Variants in SPTBN2 observed in about 807,000 individuals in gnomAD.
SPTBN2 encodes spectrin beta chain, non-erythrocytic 2.
A neutral mutation model predicts 284.2 loss-of-function variants in SPTBN2; 107 were observed. That is an observed-to-expected ratio of 0.38 (90% CI 0.32 to 0.44). The LOEUF (loss-of-function observed/expected upper bound fraction) is 0.44, where lower values mean the gene tolerates loss of function less well. Ranked by LOEUF, SPTBN2 falls within the 20% of genes least tolerant of loss-of-function variation. SPTBN2 has a pLI of 1.00. For synonymous variants in SPTBN2, 1,289 were observed against 1,354.8 expected (o/e 0.95, Z 1.07); for missense variants, 2,569 against 3,287.1 (o/e 0.78, Z 5.34).
Position 66,716,208 on chromosome 11 carries a change from G to A in SPTBN2, c.158-227C>T, listed in dbSNP as rs182490137. ...AAGACAGAAAATAGGCGAAGGTTGG[G>A]TGTGGTGGCTCATGCCTGTAATCCC... On this transcript the variant is annotated intron_variant, in intron 3 of 37. Coordinates refer to ENST00000533211, the MANE Select transcript of SPTBN2 (RefSeq NM_006946.4). 2.6e-5 allele frequency among the ~76,000 whole-genome samples: 4 copies of A among 152,352 alleles called. No homozygotes were observed. The East Asian group carries it at 7.7e-4, about 29-fold the overall frequency.
intron 1 of SPTBN2, among the ~76,000 whole-genome samples, chr11:66,742,971 G>T (rs1942908424): frequency 6.6e-6 from 1 of 152,174 alleles, no homozygotes; most frequent in African/African-American, 2.4e-5. Context: ...ATAAAATAGT[G>T]ACGATAACAA....
chr11:66,698,848 C>T, intron 19 of SPTBN2, 63 bp from the exon 20 acceptor site: 1 of 1,607,686 alleles, frequency 6.2e-7, no homozygotes, highest in Non-Finnish European at 8.5e-7. Flanking sequence ...AAAAGCAGGG[C>T]CACAGTGAGC....
Position 66,694,083 on chromosome 11 carries a change from G to A in SPTBN2, c.4503+56C>T. 3 of 1,585,986 alleles carry A rather than the reference G, an allele frequency of 1.9e-6. 1 individual carries two copies. In the South Asian group the frequency reaches 3.3e-5, roughly 18 times the overall value. On this transcript the variant is annotated intron_variant, in intron 22 of 37. Coordinates refer to ENST00000533211, the MANE Select transcript of SPTBN2 (RefSeq NM_006946.4). Reference sequence around the variant, plus strand: ...GCATCTCCCTGGCATCCAGGAGGGAGGCTGGAGAACCACATGGCTGGGGGC... The same window carrying A: ...GCATCTCCCTGGCATCCAGGAGGGAAGCTGGAGAACCACATGGCTGGGGGC...
chr11:66,734,984 A>G lies in SPTBN2; in HGVS notation c.-474-5792T>C, dbSNP rs528428514. Among the ~76,000 whole-genome samples the G allele has an allele frequency of 1.3e-4, 20 of 152,324 alleles. No homozygotes were observed. In the South Asian group the frequency reaches 4.1e-3, roughly 32 times the overall value. On this transcript the variant is annotated intron_variant, in intron 1 of 37. Coordinates refer to the SPTBN2 transcript ENST00000611817. ...ACTGCCCTCTGCATAGGGATGATAC[A>G]GAGAGATCAAAGTTAAATTCTTCAC...
chr11:66,694,496 T>A, intron 21 of SPTBN2, 133 bp from the exon 22 acceptor site: 2 of 897,942 alleles, frequency 2.2e-6, no homozygotes, highest in Non-Finnish European at 3.3e-6. Context: ...GAGCATCCCC[T>A]CATGGGCTGG....
rs55950324 is a variant in SPTBN2 at position 66,683,063 on chromosome 11, ATTTTTT to A, written c.*2802_*2807del. Among the ~76,000 whole-genome samples, 2 of 95,730 alleles carry A rather than the reference ATTTTTT, an allele frequency of 2.1e-5. No homozygotes were observed. The highest frequency in any genetic ancestry group is 4.5e-5 in the African/African-American group (1 of 22,258). The allele number at this position is 95,730 out of a possible 152,430, so 62.8% of individuals were successfully genotyped here. On this transcript the variant is annotated 3_prime_UTR_variant, in exon 38 of 38. Transcript: ENST00000533211. ...ACCACCATGCCTGGCCAAGTAATCCATTTTTTTTTTTTTTTTTTTTTTGAGATGGAG... is the reference window on the plus strand; with the variant it reads ...ACCACCATGCCTGGCCAAGTAATCCATTTTTTTTTTTTTTTTGAGATGGAG...
At chr11:66,686,283 T>C (rs748417414) in intron 37 of SPTBN2, 115 bp downstream of exon 37, 6 of 1,491,652 alleles carry the variant, frequency 4.0e-6, no homozygotes, top group Non-Finnish European at 3.7e-6. Flanking sequence ...ACACATCCAG[T>C]CTTACCACAA....
upstream of SPTBN2, among the ~76,000 whole-genome samples, chr11:66,730,053 C>T (rs1590995998): frequency 6.6e-6 from 1 of 152,116 alleles, no homozygotes; most frequent in African/African-American, 2.4e-5. Context: ...CTGCCTGCCT[C>T]AGCCTCCCAA....
chr11:66,693,636 C>A lies in SPTBN2; in HGVS notation c.4593+136G>T. On this transcript the variant is annotated intron_variant, in intron 23 of 37. Transcript: ENST00000533211. The surrounding 1 kb of genome is among the most constrained non-coding windows in gnomAD (Gnocchi z 5.7). ...ATCTCCTACTGAGAGGACCCACCCT[C>A]CCAAGGTGAGGAAAGACAGCCACTG... is the stretch of plus-strand genomic sequence containing the variant. The A allele has an allele frequency of 7.6e-7, 1 of 1,308,702 alleles. No homozygotes were observed. Among genetic ancestry groups the A allele is most frequent in the African/African-American group, 1.5e-5 (1 of 68,318 alleles). The allele number at this position is 1,308,702 out of a possible 1,614,324, so 81.1% of individuals were successfully genotyped here. A position where few individuals can be genotyped will look rare whatever the true frequency, so the allele number is the denominator to read the frequency against.
upstream of SPTBN2, among the ~76,000 whole-genome samples, chr11:66,729,498 A>C (rs1942761598): frequency 6.6e-6 from 1 of 152,180 alleles, no homozygotes; most frequent in Non-Finnish European, 1.5e-5. Context: ...TATTGGATTT[A>C]AGGTTTTATA....
rs766125112 is a variant in SPTBN2 at position 66,701,621 on chromosome 11, C to A, written c.2779G>T (p.Asp927Tyr). 5.6e-6 allele frequency: 9 copies of A among 1,614,004 alleles called. No homozygotes were observed. The East Asian group carries it at 2.0e-4, about 36-fold the overall frequency. Reference protein sequence around the residue: ...QLLKANPPGKDRIVNTQEQLN... With the variant: ...QLLKANPPGKYRIVNTQEQLN... ...TGCTCCTGGGTGTTGACAATGCGGT[C>A]TTTGCCTGGGGGGTTGGCCTTCAGT... The change falls in exon 16 of 38, where the codon GAC becomes TAC. Residue 927 changes from aspartate (D) to tyrosine (Y), a missense_variant. By Grantham distance (160) the Asp-to-Tyr change is radical. This residue lies in a region of SPTBN2 where 1,012 missense variants were observed against 1,248.9 expected (regional missense o/e 0.81). Coordinates refer to ENST00000533211, the MANE Select transcript of SPTBN2 (RefSeq NM_006946.4).
intron 1 of SPTBN2, among the ~76,000 whole-genome samples, chr11:66,736,125 G>A (rs939120787): frequency 1.3e-5 from 2 of 152,172 alleles, no homozygotes; most frequent in Admixed American, 6.5e-5. Flanking sequence ...ACATCAGATA[G>A]GGAATTCTAA....
Position 66,686,419 on chromosome 11 carries a change from A to G in SPTBN2, c.6918T>C (p.Tyr2306=), listed in dbSNP as rs1256483871. Residue 2306 remains tyrosine, a synonymous_variant, in exon 37 of 38, where the codon TAT becomes TAC. Coordinates refer to ENST00000533211, the MANE Select transcript of SPTBN2 (RefSeq NM_006946.4). ...FKLGLQDGKE[Y]LFQAKDEAEM... ...TCACCTCATCCTTGGCCTGGAATAA[A>G]TATTCTTTTCCATCCTGTAAGCTGT... The G allele has an allele frequency of 1.2e-6, 2 of 1,614,040 alleles. No individual in the cohort carries two copies. Among genetic ancestry groups the G allele is most frequent in the Non-Finnish European group, 8.5e-7 (1 of 1,179,928 alleles).
At chr11:66,735,281 C>T (rs889396101) in intron 1 of SPTBN2, among the ~76,000 whole-genome samples, 3 of 149,354 alleles carry the variant, frequency 2.0e-5, no homozygotes, top group Non-Finnish European at 3.0e-5. Flanking sequence ...TGCAGTGAGT[C>T]GAGATTGTGC....
chr11:66,696,582 C>A (rs371767418), intron 20 of SPTBN2, 42 bp from the exon 21 acceptor site: 4 of 1,606,240 alleles, frequency 2.5e-6, no homozygotes, highest in Non-Finnish European at 2.5e-6. Flanking sequence ...CCAAATTAGC[C>A]TGAACTTTAG....
At position 66,687,516 on chromosome 11, in the gene SPTBN2, T is replaced by C. The variant is rs760584780; in HGVS notation, c.6633A>G (p.Arg2211=). Residue 2211 remains arginine (R), a synonymous_variant, in exon 35 of 38, where the codon CGA becomes CGG. Coordinates refer to ENST00000533211, the MANE Select transcript of SPTBN2 (RefSeq NM_006946.4). The surrounding 1 kb of genome is among the most constrained non-coding windows in gnomAD (Gnocchi z 5.2). ...ESAHAATLPP[R]GPEPSAQEQM... is the part of the protein sequence containing the mutation. ...GCTCCTGGGCAGATGGCTCTGGGCCTCGAGGCGGCAGGGTGGCAGCATGGG... is the reference window on the plus strand; with the variant it reads ...GCTCCTGGGCAGATGGCTCTGGGCCCCGAGGCGGCAGGGTGGCAGCATGGG... 3 of 1,612,040 alleles carry C rather than the reference T, an allele frequency of 1.9e-6. No individual in the cohort carries two copies. Among genetic ancestry groups the C allele is most frequent in the South Asian group, 1.1e-5 (1 of 91,072 alleles).
chr11:66,691,106 C>T lies in SPTBN2; in HGVS notation c.5565+178G>A, dbSNP rs901729113. Reference sequence around the variant, plus strand: ...TGCTGGGATTACAGGCGAGAGCCACCGCGCCTGGCCAAACAGAGATGTTTT... The same window carrying T: ...TGCTGGGATTACAGGCGAGAGCCACTGCGCCTGGCCAAACAGAGATGTTTT... On this transcript the variant is annotated intron_variant, in intron 27 of 37. Coordinates refer to ENST00000533211, the MANE Select transcript of SPTBN2 (RefSeq NM_006946.4). This position sits in a 1 kb window ranked among gnomAD's most constrained non-coding sequence, Gnocchi z 8.0. Among the ~76,000 whole-genome samples, 12 of 152,156 alleles carry T rather than the reference C, an allele frequency of 7.9e-5. No individual in the cohort carries two copies. Among genetic ancestry groups the T allele is most frequent in the East Asian group, 7.7e-4 (4 of 5,188 alleles).
intron 14 of SPTBN2, 41 bp from the exon 15 acceptor site, chr11:66,705,509 C>T (rs755134185): frequency 6.2e-7 from 1 of 1,611,742 alleles, no homozygotes; most frequent in East Asian, 2.2e-5. Context: ...TTAACCCAGC[C>T]CTCCGGCTGC....
At chr11:66,722,370 C>T (rs543830102) in intron 1 of SPTBN2, among the ~76,000 whole-genome samples, 26 of 150,564 alleles carry the variant, frequency 1.7e-4, no homozygotes, top group East Asian at 3.9e-4. Flanking sequence ...GTCAGGAGAT[C>T]GAGACCATCC....
Sources: gnomAD v4.1 joint callset for allele counts (sites outside exome capture counted in the v4.1 genomes callset) on GRCh38, gnomAD v4.1.1 for gene constraint, gnomAD v4.1.1 regional missense constraint, Gnocchi (gnomAD v3.1) non-coding constraint, MANE v1.5 for transcripts, NCBI Gene and HGNC (gene_info 2026-07-23, HGNC 2026-07-21) for gene names.